Variants in CYTH3 observed in about 807,000 individuals in gnomAD.
The protein encoded by CYTH3 is cytohesin 3.
Under a neutral mutation model 55.1 loss-of-function variants are expected in CYTH3, and 23 were observed. The observed-to-expected ratio is 0.42, with a 90% CI of 0.30 to 0.59. CYTH3 has a LOEUF of 0.59. Ranked by LOEUF, CYTH3 falls within the 20% of genes least tolerant of loss-of-function variation. CYTH3 has a pLI of 0.20. For missense variants in CYTH3, 413 were observed against 524.8 expected (o/e 0.79, Z 2.08); for synonymous variants, 249 against 194.9 (o/e 1.28, Z -2.31).
At chr7:6,188,833 T>C (rs1783726063) in intron 2 of CYTH3, 1 of 152,194 alleles carries the variant, frequency 6.6e-6, no homozygotes, top group South Asian at 2.1e-4. Context: ...TACATCCTTA[T>C]TCTTCAACCA....
At chr7:6,249,724 C>A (rs547857557) in intron 1 of CYTH3, among the ~76,000 whole-genome samples, 2 of 152,156 alleles carry the variant, frequency 1.3e-5, no homozygotes, top group African/African-American at 4.8e-5. Context: ...TCCCCACCTA[C>A]GTTGAGATAC....
intron 1 of CYTH3, among the ~76,000 whole-genome samples, chr7:6,207,130 C>T (rs1342133591): frequency 7.9e-4 from 109 of 138,162 alleles, no homozygotes; most frequent in Admixed American, 2.1e-3. Flanking sequence ...AGTCTCACTC[C>T]GTCGCCCAGG....
chr7:6,272,410 G>GGGGGGGGGGGCGCCGC, intron 1 of CYTH3, 64 bp downstream of exon 1: 2 of 1,216,618 alleles, frequency 1.6e-6, no homozygotes, highest in Non-Finnish European at 1.1e-6. Flanking sequence ...CCGCGCCCTC[G>GGGGGGGGGGGCGCCGC]ACCCCCAGCC....
intron 1 of CYTH3, among the ~76,000 whole-genome samples, chr7:6,224,203 G>A (rs1207807522): frequency 1.3e-5 from 2 of 150,842 alleles, no homozygotes; most frequent in East Asian, 2.0e-4. Context: ...CTTAAACAAA[G>A]ACAAAGATGA....
intron 4 of CYTH3, among the ~76,000 whole-genome samples, chr7:6,183,817 T>A (rs549403931): frequency 5.5e-4 from 84 of 151,568 alleles, no homozygotes; most frequent in Middle Eastern, 3.4e-3. Context: ...GTAATCAGTG[T>A]TACATGAGGT....
rs1210155169 is a variant in CYTH3 at position 6,259,775 on chromosome 7, TATATATATA to T, written c.34+12690_34+12698del. Among the ~76,000 whole-genome samples, 10 of 23,116 alleles carry T rather than the reference TATATATATA, an allele frequency of 4.3e-4. 1 individual carries two copies. In the East Asian group the frequency reaches 0.011, roughly 25 times the overall value. 15.2% of individuals were successfully genotyped at this position (23,116 alleles called of 152,430 possible). ...ATATATATTATATATATATATATTA[TATATATATA>T]ATATATATATATATATATATATATA... is the stretch of plus-strand genomic sequence containing the variant. On this transcript the variant is annotated intron_variant, in intron 1 of 12. Coordinates refer to ENST00000350796, the MANE Select transcript of CYTH3 (RefSeq NM_004227.4).
At position 6,172,716 on chromosome 7, in the gene CYTH3, C is replaced by G. The variant is rs1783233425; in HGVS notation, c.449+937G>C. On this transcript the variant is annotated intron_variant, in intron 6 of 12. Coordinates refer to ENST00000350796, the MANE Select transcript of CYTH3 (RefSeq NM_004227.4). ...CAGCTGCAAGGGCCGCACCAGACAC[C>G]CCTCCCAGACTCACCAGGCCTGCAC... 4.4e-6 allele frequency: 5 copies of G among 1,137,576 alleles called. No homozygotes were observed. In the African/African-American group the frequency reaches 8.3e-5, roughly 19 times the overall value. The allele number at this position is 1,137,576 out of a possible 1,614,324, so 70.5% of individuals were successfully genotyped here.
chr7:6,165,066 C>T, intron 12 of CYTH3, 50 bp from the exon 13 acceptor site: 1 of 1,609,566 alleles, frequency 6.2e-7, no homozygotes, highest in Non-Finnish European at 8.5e-7. Flanking sequence ...GACACACAGA[C>T]CTCCCCTTTC....
chr7:6,200,502 C>A (rs544472124), intron 1 of CYTH3, among the ~76,000 whole-genome samples: 1 of 152,262 alleles, frequency 6.6e-6, no homozygotes, highest in South Asian at 2.1e-4. Flanking sequence ...GCTACCTAGT[C>A]CTAATTGAAA....
At chr7:6,195,949 A>T (rs1783913966) in intron 1 of CYTH3, among the ~76,000 whole-genome samples, 1 of 152,220 alleles carries the variant, frequency 6.6e-6, no homozygotes, top group Non-Finnish European at 1.5e-5. Flanking sequence ...AAGTCATGCA[A>T]CATGCTATTG....
At position 6,171,394 on chromosome 7, in the gene CYTH3, A is replaced by G; in HGVS notation, c.450-80T>C. 2 of 1,371,756 alleles carry G rather than the reference A, an allele frequency of 1.5e-6. No homozygotes were observed. The highest frequency in any genetic ancestry group is 1.2e-5 in the South Asian group (1 of 83,162). 85.0% of individuals were successfully genotyped at this position (1,371,756 alleles called of 1,614,324 possible). A position where few individuals can be genotyped will look rare whatever the true frequency, so the allele number is the denominator to read the frequency against. ...GCCAAGGGCGGCTTCTGCCCAGCTC[A>G]GGAAGGACGTTTTCCTCCCGAGCCT... On this transcript the variant is annotated intron_variant, in intron 6 of 12. Transcript: ENST00000350796. The surrounding 1 kb of genome is among the most constrained non-coding windows in gnomAD (Gnocchi z 6.7).
At chr7:6,271,630 G>A (rs1318873653) in intron 1 of CYTH3, among the ~76,000 whole-genome samples, 1 of 152,124 alleles carries the variant, frequency 6.6e-6, no homozygotes, top group Admixed American at 6.5e-5. Context: ...GCATGACCCA[G>A]CAGTCATTTG....
At chr7:6,210,841 C>T (rs1195412388) in intron 1 of CYTH3, among the ~76,000 whole-genome samples, 13 of 152,164 alleles carry the variant, frequency 8.5e-5, no homozygotes, top group Admixed American at 2.0e-4. Flanking sequence ...ATTGCCTTCA[C>T]TGATAAGAGT....
At chr7:6,198,076 AGAGT>A (rs1267918088) in intron 1 of CYTH3, among the ~76,000 whole-genome samples, 43 of 150,628 alleles carry the variant, frequency 2.9e-4, no homozygotes, top group African/African-American at 1.1e-3. Flanking sequence ...CCTGAGTAAC[AGAGT>A]GAGACACTCT....
chr7:6,214,848 A>C (rs1309982624), intron 1 of CYTH3, among the ~76,000 whole-genome samples: 1 of 152,218 alleles, frequency 6.6e-6, no homozygotes, highest in Non-Finnish European at 1.5e-5. Context: ...GCTCTGTGAA[A>C]GGCTGTGGCT....
intron 1 of CYTH3, among the ~76,000 whole-genome samples, chr7:6,246,445 G>A (rs1341327896): frequency 3.9e-5 from 6 of 151,976 alleles, no homozygotes; most frequent in Non-Finnish European, 7.4e-5. Flanking sequence ...ACCTTATCCT[G>A]TGATCAAATT....
At chr7:6,175,474 A>G (rs1389025599) in intron 5 of CYTH3, among the ~76,000 whole-genome samples, 1 of 151,010 alleles carries the variant, frequency 6.6e-6, no homozygotes, top group Admixed American at 6.6e-5. Flanking sequence ...CTGGATTCTG[A>G]ATGCTGTTCC....
At chr7:6,270,112 T>C (rs970946219) in intron 1 of CYTH3, among the ~76,000 whole-genome samples, 2 of 152,222 alleles carry the variant, frequency 1.3e-5, no homozygotes, top group East Asian at 3.8e-4. Context: ...CATTTAAAAA[T>C]CTAAAAGGTA....
chr7:6,184,002 G>A, intron 4 of CYTH3, among the ~76,000 whole-genome samples: 1 of 137,726 alleles, frequency 7.3e-6, no homozygotes, highest in Middle Eastern at 3.8e-3. Flanking sequence ...CCAGCCTCCA[G>A]AACTGTAAGA....
Sources: gnomAD v4.1 joint callset for allele counts (sites outside exome capture counted in the v4.1 genomes callset) on GRCh38, gnomAD v4.1.1 for gene constraint, Gnocchi (gnomAD v3.1) non-coding constraint, MANE v1.5 for transcripts, NCBI Gene and HGNC (gene_info 2026-07-23, HGNC 2026-07-21) for gene names.